Variants in EPHA3 observed in about 807,000 individuals in gnomAD.
EPHA3 encodes ephrin type-A receptor 3.
Under a neutral mutation model 107.1 loss-of-function variants are expected in EPHA3, and 42 were observed. The ratio of observed to expected loss-of-function variants is 0.39; its 90% CI spans 0.31 to 0.51. The LOEUF is 0.51. EPHA3 is among the 20% of genes least tolerant of loss of function. EPHA3 has a pLI of 0.78. For synonymous variants in EPHA3, 461 were observed against 424.8 expected (o/e 1.09, Z -1.05); for missense variants, 1,183 against 1,211.2 (o/e 0.98, Z 0.35).
At chr3:89,164,569 T>G (rs1432787448) in intron 2 of EPHA3, among the ~76,000 whole-genome samples, 1 of 152,142 alleles carries the variant, frequency 6.6e-6, no homozygotes, top group Admixed American at 6.5e-5. Flanking sequence ...TGCTGTAGGG[T>G]AAATCCCACT....
chr3:89,473,676 G>A (rs974431987), intron 16 of EPHA3, among the ~76,000 whole-genome samples: 3 of 152,116 alleles, frequency 2.0e-5, no homozygotes, highest in Non-Finnish European at 2.9e-5. Context: ...CTTAATCTAA[G>A]TTACCAGGAG....
intron 2 of EPHA3, among the ~76,000 whole-genome samples, chr3:89,189,691 T>C (rs1025766493): frequency 1.3e-5 from 2 of 152,240 alleles, no homozygotes; most frequent in Non-Finnish European, 2.9e-5. Flanking sequence ...TACTTTGAGT[T>C]CTGTATTGCT....
intron 15 of EPHA3, among the ~76,000 whole-genome samples, chr3:89,451,069 G>C (rs1444133413): frequency 6.6e-6 from 1 of 152,088 alleles, no homozygotes; most frequent in Non-Finnish European, 1.5e-5. Context: ...TATTTGTCTA[G>C]TCTATATTGC....
chr3:89,269,258 A>G (rs1228107586), intron 3 of EPHA3, among the ~76,000 whole-genome samples: 1 of 152,094 alleles, frequency 6.6e-6, no homozygotes, highest in Non-Finnish European at 1.5e-5. Flanking sequence ...CTTTATTATG[A>G]CATGTCCATA....
chr3:89,481,253 A>C lies in EPHA3; in HGVS notation c.*1751A>C. 4.3e-6 allele frequency: 1 copy of C among 232,250 alleles called. No individual in the cohort carries two copies. Among genetic ancestry groups the C allele is most frequent in the Non-Finnish European group, 8.5e-6 (1 of 117,448 alleles). The allele number at this position is 232,250 out of a possible 1,614,324, so 14.4% of individuals were successfully genotyped here. A position where few individuals can be genotyped will look rare whatever the true frequency, so the allele number is the denominator to read the frequency against. On this transcript the variant is annotated 3_prime_UTR_variant, in exon 17 of 17. Coordinates refer to ENST00000336596, the MANE Select transcript of EPHA3 (RefSeq NM_005233.6). Reference sequence around the variant, plus strand: ...GTAGATTTAGTGTAATAAGACTTAGATTGTGCTCCTTCGGATATGATTGTT... The same window carrying C: ...GTAGATTTAGTGTAATAAGACTTAGCTTGTGCTCCTTCGGATATGATTGTT...
intron 3 of EPHA3, among the ~76,000 whole-genome samples, chr3:89,279,337 G>A (rs555981193): frequency 4.0e-5 from 6 of 151,870 alleles, no homozygotes; most frequent in Admixed American, 6.6e-5. Context: ...TTAGAGAAAA[G>A]GTCGGTGGCC....
chr3:89,206,826 T>G (rs2107173642), intron 2 of EPHA3, among the ~76,000 whole-genome samples: 1 of 152,296 alleles, frequency 6.6e-6, no homozygotes, highest in Admixed American at 6.5e-5. Context: ...TATTGGCAAT[T>G]ATTACAAATA....
chr3:89,447,700 TA>T (rs931533112), intron 13 of EPHA3, among the ~76,000 whole-genome samples: 3 of 152,214 alleles, frequency 2.0e-5, no homozygotes, highest in African/African-American at 7.2e-5. Context: ...AGCTAACATT[TA>T]TTGAGTCCTT....
intron 5 of EPHA3, among the ~76,000 whole-genome samples, chr3:89,365,485 C>A (rs961313360): frequency 6.6e-6 from 1 of 150,590 alleles, no homozygotes; most frequent in South Asian, 2.1e-4. Flanking sequence ...TACAACATAG[C>A]TTTTCACCTT....
chr3:89,130,288 T>G (rs938020143), intron 2 of EPHA3, among the ~76,000 whole-genome samples: 3 of 152,186 alleles, frequency 2.0e-5, no homozygotes, highest in Non-Finnish European at 4.4e-5. Flanking sequence ...TAGCATTCCA[T>G]CAGGAAATGT....
At chr3:89,293,059 C>T (rs1706252754) in intron 3 of EPHA3, among the ~76,000 whole-genome samples, 1 of 152,006 alleles carries the variant, frequency 6.6e-6, no homozygotes, top group Non-Finnish European at 1.5e-5. Flanking sequence ...GTAATGGTAT[C>T]CCATTGTGGC....
At chr3:89,293,209 G>A (rs889605494) in intron 3 of EPHA3, among the ~76,000 whole-genome samples, 1 of 151,848 alleles carries the variant, frequency 6.6e-6, no homozygotes, top group Non-Finnish European at 1.5e-5. Flanking sequence ...TTTAAACTAT[G>A]GAATTTTGAA....
intron 2 of EPHA3, among the ~76,000 whole-genome samples, chr3:89,136,329 G>GTTTTTTTTTTTTT (rs1559747476): frequency 1.9e-3 from 45 of 23,846 alleles, no homozygotes; most frequent in Non-Finnish European, 2.6e-3. Flanking sequence ...AATCTTACAG[G>GTTTTTTTTTTTTT]CTTTTTTTTT....
chr3:89,329,728 T>C (rs946315086), intron 3 of EPHA3, among the ~76,000 whole-genome samples: 3 of 152,220 alleles, frequency 2.0e-5, no homozygotes, highest in Non-Finnish European at 4.4e-5. Context: ...CTTGAAGTTT[T>C]GGGATATTTT....
chr3:89,150,927 G>A (rs1238321752), intron 2 of EPHA3, among the ~76,000 whole-genome samples: 1 of 151,890 alleles, frequency 6.6e-6, no homozygotes, highest in South Asian at 2.1e-4. Flanking sequence ...AGTGAGCTAT[G>A]GATCATGCCA....
At position 89,194,516 on chromosome 3, in the gene EPHA3, C is replaced by T. The variant is rs542423865; in HGVS notation, c.154-15344C>T. On this transcript the variant is annotated intron_variant, in intron 2 of 16. Coordinates refer to ENST00000336596, the MANE Select transcript of EPHA3 (RefSeq NM_005233.6). ...TCTCTGTAGATATCGATTAAGAAAC[C>T]TGTAAAGAAAGTTCTCCAATCTCCT... is the stretch of plus-strand genomic sequence containing the variant. 4.6e-5 allele frequency among the ~76,000 whole-genome samples: 7 copies of T among 152,048 alleles called. No individual in the cohort carries two copies. In the East Asian group the frequency reaches 1.4e-3, roughly 29 times the overall value.
At chr3:89,356,157 A>G (rs1707949423) in intron 5 of EPHA3, among the ~76,000 whole-genome samples, 2 of 150,938 alleles carry the variant, frequency 1.3e-5, no homozygotes, top group African/African-American at 2.4e-5. Flanking sequence ...TACAGAGGAC[A>G]TGAACTCATC....
intron 11 of EPHA3, among the ~76,000 whole-genome samples, chr3:89,419,923 T>C (rs950244713): frequency 6.6e-6 from 1 of 151,440 alleles, no homozygotes; most frequent in Non-Finnish European, 1.5e-5. Context: ...CTGTGGATTT[T>C]AAATAGTTCT....
At chr3:89,187,701 C>T (rs530359924) in intron 2 of EPHA3, among the ~76,000 whole-genome samples, 2 of 151,918 alleles carry the variant, frequency 1.3e-5, no homozygotes, top group African/African-American at 2.4e-5. Context: ...ACATGATGTG[C>T]GAGAGTGTGT....
Sources: gnomAD v4.1 joint callset for allele counts (sites outside exome capture counted in the v4.1 genomes callset) on GRCh38, gnomAD v4.1.1 for gene constraint, MANE v1.5 for transcripts, NCBI Gene and HGNC (gene_info 2026-07-23, HGNC 2026-07-21) for gene names.